METTL15: variants seen among roughly 807,000 people sequenced by gnomAD.
METTL15 encodes the protein 12S rRNA N(4)-cytidine methyltransferase METTL15.
A neutral mutation model predicts 38.3 loss-of-function variants in METTL15; 34 were observed. That is an observed-to-expected ratio of 0.89 (90% CI 0.68 to 1.18). The LOEUF (loss-of-function observed/expected upper bound fraction) is 1.18, where lower values mean the gene tolerates loss of function less well. Ranked by LOEUF, METTL15 falls within the 50% of genes most tolerant of loss-of-function variation. The probability of loss-of-function intolerance (pLI) is 0.00; values close to 1 mark genes in which losing one functional copy is unlikely to be tolerated. For synonymous variants in METTL15, 162 were observed against 170.9 expected (o/e 0.95, Z 0.41); for missense variants, 438 against 498.4 (o/e 0.88, Z 1.15).
intron 4 of METTL15, among the ~76,000 whole-genome samples, chr11:28,217,317 G>T (rs893768178): frequency 3.9e-5 from 6 of 152,186 alleles, no homozygotes; most frequent in Non-Finnish European, 8.8e-5. Flanking sequence ...GGCCAGTGAT[G>T]ATGAGCATTT....
chr11:28,135,064 A>G (rs1275067664), intron 3 of METTL15, among the ~76,000 whole-genome samples: 1 of 152,194 alleles, frequency 6.6e-6, no homozygotes, highest in African/African-American at 2.4e-5. Flanking sequence ...TGGTTGGTTC[A>G]CAGGAATAAG....
intron 3 of METTL15, chr11:28,122,283 A>G: frequency 1.2e-6 from 1 of 820,608 alleles, no homozygotes; most frequent in Non-Finnish European, 1.6e-6. Flanking sequence ...TGATGCAGAA[A>G]TTAGTTTTCT....
intron 5 of METTL15, among the ~76,000 whole-genome samples, chr11:28,420,962 G>C (rs1850814843): frequency 6.6e-6 from 1 of 151,836 alleles, no homozygotes; most frequent in Admixed American, 6.6e-5. Context: ...CAACCTTTTA[G>C]CCAGATTAGC....
chr11:28,230,574 A>G (rs1163589603), intron 4 of METTL15, among the ~76,000 whole-genome samples: 1 of 151,982 alleles, frequency 6.6e-6, no homozygotes, highest in Non-Finnish European at 1.5e-5. Context: ...ATTTTATTAC[A>G]TATGAGAAAA....
intron 3 of METTL15, among the ~76,000 whole-genome samples, chr11:28,146,371 A>G (rs1247476467): frequency 6.6e-6 from 1 of 152,044 alleles, no homozygotes; most frequent in Non-Finnish European, 1.5e-5. Context: ...TATACTAACT[A>G]ATTGGAAACA....
chr11:28,221,207 G>A (rs1853200288), intron 4 of METTL15, among the ~76,000 whole-genome samples: 1 of 152,152 alleles, frequency 6.6e-6, no homozygotes, highest in Non-Finnish European at 1.5e-5. Flanking sequence ...CCAATCAGAT[G>A]TAGATTTGGT....
intron 6 of METTL15, among the ~76,000 whole-genome samples, chr11:28,498,316 G>A (rs945170113): frequency 3.9e-5 from 6 of 151,900 alleles, no homozygotes; most frequent in Middle Eastern, 3.4e-3. Flanking sequence ...CCACCACCAC[G>A]CCCGGCTAAT....
At chr11:28,121,570 CAT>C (rs1263943643) in intron 3 of METTL15, among the ~76,000 whole-genome samples, 2 of 152,016 alleles carry the variant, frequency 1.3e-5, no homozygotes, top group African/African-American at 4.8e-5. Context: ...AGAATGACAA[CAT>C]GTTATTAATA....
intron 4 of METTL15, among the ~76,000 whole-genome samples, chr11:28,213,630 A>T (rs1447343548): frequency 1.3e-5 from 2 of 151,134 alleles, no homozygotes; most frequent in Non-Finnish European, 3.0e-5. Flanking sequence ...AAAAAAAAAA[A>T]AAATAGGAAA....
chr11:28,414,790 A>T (rs1219820666), intron 5 of METTL15, among the ~76,000 whole-genome samples: 3 of 152,238 alleles, frequency 2.0e-5, no homozygotes, highest in African/African-American at 7.2e-5. Context: ...GAAAGATGCC[A>T]TCAAAATGAC....
chr11:28,412,751 G>C (rs1199966824), intron 5 of METTL15, among the ~76,000 whole-genome samples: 1 of 151,962 alleles, frequency 6.6e-6, no homozygotes, highest in African/African-American at 2.4e-5. Context: ...TCAGAGGGGA[G>C]GAGATGGGGA....
intron 6 of METTL15, among the ~76,000 whole-genome samples, chr11:28,476,753 T>G (rs1851350117): frequency 6.6e-6 from 1 of 152,170 alleles, no homozygotes; most frequent in Non-Finnish European, 1.5e-5. Context: ...CAGGCACACC[T>G]TAAGCTAACC....
intron 3 of METTL15, among the ~76,000 whole-genome samples, chr11:28,348,265 TATGATTATTGCCAA>T (rs1564902815): frequency 6.6e-6 from 1 of 152,254 alleles, no homozygotes. Context: ...GGTTAATTAT[TATGATTATTGCCAA>T]ATGGTGAGTT....
chr11:28,311,128 G>A (rs1857288215), intron 6 of METTL15, among the ~76,000 whole-genome samples: 1 of 152,060 alleles, frequency 6.6e-6, no homozygotes, highest in Admixed American at 6.6e-5. Flanking sequence ...AATGTGGCAT[G>A]GCAGGCTTTA....
chr11:28,453,420 CAGTCTTTA>C (rs1222046768), intron 6 of METTL15, among the ~76,000 whole-genome samples: 1 of 152,210 alleles, frequency 6.6e-6, no homozygotes, highest in African/African-American at 2.4e-5. Context: ...AACCTTCTAT[CAGTCTTTA>C]AGTATCACTT....
At chr11:28,208,232 C>G (rs955076344) in intron 3 of METTL15, among the ~76,000 whole-genome samples, 1 of 152,104 alleles carries the variant, frequency 6.6e-6, no homozygotes, top group African/African-American at 2.4e-5. Flanking sequence ...TTCCTGCTTT[C>G]TCTTGTGGGC....
chr11:28,124,470 C>T (rs542757401), intron 3 of METTL15, among the ~76,000 whole-genome samples: 23 of 152,120 alleles, frequency 1.5e-4, no homozygotes, highest in Non-Finnish European at 2.8e-4. Flanking sequence ...ATTGATCTCT[C>T]ACTCGTGCAA....
chr11:28,269,864 T>C (rs1163947328), intron 4 of METTL15, among the ~76,000 whole-genome samples: 1 of 152,230 alleles, frequency 6.6e-6, no homozygotes, highest in African/African-American at 2.4e-5. Flanking sequence ...TCTCTGCCAG[T>C]GTATTTTAAA....
intron 3 of METTL15, among the ~76,000 whole-genome samples, chr11:28,144,391 T>C (rs1004640968): frequency 6.6e-6 from 1 of 152,162 alleles, no homozygotes; most frequent in Non-Finnish European, 1.5e-5. Context: ...TTGGACCATA[T>C]AATATTCGCA....
Sources: gnomAD v4.1 joint callset for allele counts (sites outside exome capture counted in the v4.1 genomes callset) on GRCh38, gnomAD v4.1.1 for gene constraint, MANE v1.5 for transcripts, NCBI Gene and HGNC (gene_info 2026-07-23, HGNC 2026-07-21) for gene names.